Variants in NR6A1 observed in about 807,000 individuals in gnomAD.
NR6A1 encodes the protein retinoic acid receptor-related testis-associated receptor.
A neutral mutation model predicts 59.1 loss-of-function variants in NR6A1; 7 were observed. The observed-to-expected ratio is 0.12, with a 90% CI of 0.07 to 0.22. The LOEUF is 0.22. Among genes scored for constraint, NR6A1 ranks in the 10% least tolerant of loss-of-function variants. The probability of loss-of-function intolerance (pLI) is 1.00; values close to 1 mark genes in which losing one functional copy is unlikely to be tolerated. For missense variants in NR6A1, 468 were observed against 611.6 expected (o/e 0.77, Z 2.48); for synonymous variants, 243 against 236.1 (o/e 1.03, Z -0.27).
At chr9:124,745,840 G>A (rs1840315192) in intron 1 of NR6A1, among the ~76,000 whole-genome samples, 1 of 150,742 alleles carries the variant, frequency 6.6e-6, no homozygotes, top group Non-Finnish European at 1.5e-5. Context: ...AAATTGCCAG[G>A]CATGGTGGTG....
At chr9:124,528,536 AC>A in intron 7 of NR6A1, among the ~76,000 whole-genome samples, 1 of 152,070 alleles carries the variant, frequency 6.6e-6, no homozygotes, top group East Asian at 1.9e-4. Flanking sequence ...CTCCATCTTT[AC>A]AAAAAATACA....
At chr9:124,553,974 C>A (rs1323148081) in intron 3 of NR6A1, among the ~76,000 whole-genome samples, 1 of 152,112 alleles carries the variant, frequency 6.6e-6, no homozygotes, top group Non-Finnish European at 1.5e-5. Context: ...CAAAATGATA[C>A]CGCATTCAGC....
intron 2 of NR6A1, among the ~76,000 whole-genome samples, chr9:124,573,944 GGACA>G (rs1834521209): frequency 6.6e-6 from 1 of 152,114 alleles, no homozygotes; most frequent in South Asian, 2.1e-4. Context: ...AGGGCACAGA[GGACA>G]GACAAGAGGA....
intron 2 of NR6A1, among the ~76,000 whole-genome samples, chr9:124,585,555 AAAAGG>A (rs1834898317): frequency 8.3e-6 from 1 of 120,968 alleles, no homozygotes; most frequent in East Asian, 3.3e-4. Context: ...AAAAAAAAAA[AAAAGG>A]GGGGGGGGGG....
At chr9:124,624,285 A>C (rs1365235089) in intron 2 of NR6A1, among the ~76,000 whole-genome samples, 3 of 152,206 alleles carry the variant, frequency 2.0e-5, no homozygotes, top group African/African-American at 7.2e-5. Context: ...TTCCCGGTAC[A>C]TGGTGGCAGC....
At chr9:124,570,099 C>T (rs1340410985) in intron 2 of NR6A1, among the ~76,000 whole-genome samples, 1 of 152,204 alleles carries the variant, frequency 6.6e-6, no homozygotes, top group African/African-American at 2.4e-5. Context: ...AAAATGTTAC[C>T]TATCTCCATG....
chr9:124,636,594 G>A (rs190064585), intron 2 of NR6A1, among the ~76,000 whole-genome samples: 8 of 152,154 alleles, frequency 5.3e-5, no homozygotes, highest in South Asian at 2.1e-4. Context: ...TCTTTGTGAC[G>A]GATATAAGGT....
At chr9:124,741,252 T>C (rs1427583871) in intron 1 of NR6A1, among the ~76,000 whole-genome samples, 1 of 152,166 alleles carries the variant, frequency 6.6e-6, no homozygotes, top group African/African-American at 2.4e-5. Context: ...CGTCCCTCTT[T>C]GTAAATTTGT....
At chr9:124,636,581 T>C (rs1239168491) in intron 2 of NR6A1, among the ~76,000 whole-genome samples, 1 of 152,220 alleles carries the variant, frequency 6.6e-6, no homozygotes, top group African/African-American at 2.4e-5. Context: ...CATTTCAAGT[T>C]AATCTTTGTG....
At chr9:124,534,706 C>T (rs1833203757) in intron 7 of NR6A1, among the ~76,000 whole-genome samples, 1 of 152,222 alleles carries the variant, frequency 6.6e-6, no homozygotes, top group African/African-American at 2.4e-5. Context: ...ATGCTCAAAT[C>T]TAAGGCTCTG....
chr9:124,563,394 AGC>A (rs1834134672), intron 2 of NR6A1, among the ~76,000 whole-genome samples: 3 of 152,250 alleles, frequency 2.0e-5, no homozygotes, highest in Admixed American at 2.0e-4. Context: ...ACATTGGCCT[AGC>A]ATTTCAGACA....
chr9:124,754,664 T>C (rs1189150148), intron 1 of NR6A1, among the ~76,000 whole-genome samples: 1 of 152,192 alleles, frequency 6.6e-6, no homozygotes, highest in Non-Finnish European at 1.5e-5. Context: ...GTCTACAGAT[T>C]AGATTCAGCA....
chr9:124,559,513 C>T (rs1026885167), intron 2 of NR6A1, among the ~76,000 whole-genome samples: 24 of 152,098 alleles, frequency 1.6e-4, no homozygotes, highest in Admixed American at 3.9e-4. Flanking sequence ...TAGTGGCTCA[C>T]ACCTGTAATC....
intron 2 of NR6A1, among the ~76,000 whole-genome samples, chr9:124,620,825 G>T (rs1444245092): frequency 2.0e-5 from 3 of 151,280 alleles, no homozygotes; most frequent in Non-Finnish European, 4.4e-5. Context: ...AAAAAAAAAG[G>T]TTTAAAAAGA....
intron 2 of NR6A1, among the ~76,000 whole-genome samples, chr9:124,638,979 A>G (rs1836696733): frequency 6.6e-6 from 1 of 152,178 alleles, no homozygotes; most frequent in African/African-American, 2.4e-5. Context: ...AGCTACAAGT[A>G]CATAGGTAAG....
chr9:124,758,929 G>A (rs940486850), intron 1 of NR6A1, among the ~76,000 whole-genome samples: 1 of 151,866 alleles, frequency 6.6e-6, no homozygotes, highest in Non-Finnish European at 1.5e-5. Context: ...ATCCTTTCAG[G>A]GATTATCTAA....
At chr9:124,534,007 T>C (rs541456123) in intron 7 of NR6A1, among the ~76,000 whole-genome samples, 15 of 152,138 alleles carry the variant, frequency 9.9e-5, no homozygotes, top group Middle Eastern at 3.4e-3. Context: ...TTCCAGTATT[T>C]TGAATTGGCC....
intron 2 of NR6A1, among the ~76,000 whole-genome samples, chr9:124,637,748 C>T (rs547923913): frequency 6.6e-5 from 10 of 151,882 alleles, no homozygotes; most frequent in African/African-American, 2.2e-4. Context: ...AAAAATTAGC[C>T]GGGTGTGTTG....
At chr9:124,607,598 C>T (rs1454066230) in intron 2 of NR6A1, 2 of 152,136 alleles carry the variant, frequency 1.3e-5, no homozygotes, top group East Asian at 3.8e-4. Context: ...TCAATTTCCT[C>T]ATCTATAAAA....
Sources: gnomAD v4.1 joint callset for allele counts (sites outside exome capture counted in the v4.1 genomes callset) on GRCh38, gnomAD v4.1.1 for gene constraint, MANE v1.5 for transcripts, NCBI Gene and HGNC (gene_info 2026-07-23, HGNC 2026-07-21) for gene names.